The following ZNF407 variants were observed in gnomAD, a reference collection of about 807,000 sequenced individuals.
ZNF407 encodes the protein zinc finger protein 407.
ZNF407 carries 17 observed loss-of-function variants against 131.2 expected under a neutral mutation model. The ratio of observed to expected loss-of-function variants is 0.13; its 90% confidence interval spans 0.09 to 0.19. ZNF407 has a LOEUF of 0.19. Among genes scored for constraint, ZNF407 ranks in the 10% least tolerant of loss-of-function variants. The pLI, the probability that ZNF407 is intolerant of heterozygous loss-of-function variation, is 1.00. For synonymous variants in ZNF407, 1,156 were observed against 1,062.0 expected, an observed-to-expected ratio of 1.09 and a Z score of -1.72; for missense variants, 2,681 against 2,830.6, an observed-to-expected ratio of 0.95 and a Z score of 1.20.
At chr18:74,794,750 T>C (rs1969888624) in intron 4 of ZNF407, among the ~76,000 whole-genome samples, 1 of 152,190 alleles carries the variant, frequency 6.6e-6, no homozygotes, top group Non-Finnish European at 1.5e-5. Context: ...AAATGAACTA[T>C]GATTTCATAG....
At chr18:74,614,491 C>T (rs1983197671) in intron 1 of ZNF407, among the ~76,000 whole-genome samples, 3 of 152,186 alleles carry the variant, frequency 2.0e-5, no homozygotes, top group Admixed American at 2.0e-4. Context: ...TTCCCACACT[C>T]TCCTTTTCTT....
intron 8 of ZNF407, among the ~76,000 whole-genome samples, chr18:74,979,004 T>C (rs1247133065): frequency 6.6e-6 from 1 of 151,968 alleles, no homozygotes; most frequent in Non-Finnish European, 1.5e-5. Context: ...GGGAGAGATG[T>C]GGGAAAGGCT....
Position 74,950,641 on chromosome 18 carries a change from C to T in ZNF407, c.5428+29949C>T, listed in dbSNP as rs184919412. ...TGTTTGCTTTAATCTTCAACAAAATCATTACGATAACATTGCCACTTCTGT... is the reference window on the plus strand; with the variant it reads ...TGTTTGCTTTAATCTTCAACAAAATTATTACGATAACATTGCCACTTCTGT... On this transcript the variant is annotated intron_variant, in intron 8 of 8. Transcript: ENST00000299687. Among the ~76,000 whole-genome samples, 53 of 152,346 alleles carry T rather than the reference C, an allele frequency of 3.5e-4. 2 individuals carry two copies. In the East Asian group the frequency reaches 8.5e-3, roughly 24 times the overall value.
At position 74,616,945 on chromosome 18, in the gene ZNF407, C is replaced by T. The variant is rs1983323385; in HGVS notation, c.-53-14022C>T. Among the ~76,000 whole-genome samples the T allele has an allele frequency of 8.2e-5, 12 of 146,268 alleles. 1 individual carries two copies. The highest frequency in any genetic ancestry group is 1.5e-4 in the Non-Finnish European group (10 of 66,522). ...CGCACCATACACATCCATATCCACA[C>T]ACCACACGCATCCATATCCACGCAC... On this transcript the variant is annotated intron_variant, in intron 1 of 8. Transcript: ENST00000299687.
At chr18:74,913,810 G>C (rs975942408) in intron 7 of ZNF407, among the ~76,000 whole-genome samples, 1 of 152,138 alleles carries the variant, frequency 6.6e-6, no homozygotes, top group South Asian at 2.1e-4. Flanking sequence ...GTGTCCATAG[G>C]TCATAAGTGA....
intron 6 of ZNF407, among the ~76,000 whole-genome samples, chr18:74,889,606 G>A (rs887016583): frequency 6.6e-6 from 1 of 151,924 alleles, no homozygotes. Flanking sequence ...GATGTAACAT[G>A]GTTTATTAAA....
chr18:74,818,739 T>C (rs374002273), intron 4 of ZNF407, among the ~76,000 whole-genome samples: 24 of 152,242 alleles, frequency 1.6e-4, no homozygotes, highest in Non-Finnish European at 3.2e-4. Flanking sequence ...GACTGAGGAA[T>C]AGATTACATT....
At chr18:74,943,141 C>G (rs186629604) in intron 8 of ZNF407, among the ~76,000 whole-genome samples, 1 of 152,248 alleles carries the variant, frequency 6.6e-6, no homozygotes, top group Non-Finnish European at 1.5e-5. Flanking sequence ...TGGTCTCGAT[C>G]TCCTGACCTT....
At chr18:74,932,469 TG>T (rs1971993636) in intron 8 of ZNF407, among the ~76,000 whole-genome samples, 1 of 152,216 alleles carries the variant, frequency 6.6e-6, no homozygotes. Flanking sequence ...CTCAGCTTCG[TG>T]TGTCCATCTT....
chr18:74,896,685 T>C (rs2145203482), intron 7 of ZNF407, among the ~76,000 whole-genome samples: 1 of 152,322 alleles, frequency 6.6e-6, no homozygotes, highest in South Asian at 2.1e-4. Flanking sequence ...TGTGTCATGA[T>C]GACACTTTAT....
At chr18:74,763,594 A>G (rs570320393) in intron 3 of ZNF407, among the ~76,000 whole-genome samples, 3 of 151,530 alleles carry the variant, frequency 2.0e-5, no homozygotes. Flanking sequence ...CATATGAATG[A>G]GTTTCTACTA....
chr18:75,031,251 C>A (rs1973236712), intron 8 of ZNF407, among the ~76,000 whole-genome samples: 1 of 152,180 alleles, frequency 6.6e-6, no homozygotes, highest in Non-Finnish European at 1.5e-5. Context: ...CTTCAGGTAA[C>A]AGGAAAACAG....
chr18:74,808,356 G>T (rs1970144987), intron 4 of ZNF407, among the ~76,000 whole-genome samples: 1 of 152,082 alleles, frequency 6.6e-6, no homozygotes, highest in Non-Finnish European at 1.5e-5. Flanking sequence ...TGCTCATAAA[G>T]CTCTAAGTGT....
At chr18:74,823,914 T>A (rs1186771563) in intron 4 of ZNF407, among the ~76,000 whole-genome samples, 2 of 152,192 alleles carry the variant, frequency 1.3e-5, no homozygotes, top group Non-Finnish European at 2.9e-5. Context: ...TATACATTCT[T>A]CTCAGCACCT....
At chr18:74,653,554 T>C (rs925953818) in intron 3 of ZNF407, among the ~76,000 whole-genome samples, 5 of 151,892 alleles carry the variant, frequency 3.3e-5, no homozygotes, top group African/African-American at 9.7e-5. Flanking sequence ...CTCAGATCTT[T>C]AGTATAGGGA....
At chr18:74,867,473 T>C (rs1238546308) in intron 4 of ZNF407, among the ~76,000 whole-genome samples, 2 of 152,196 alleles carry the variant, frequency 1.3e-5, no homozygotes, top group Admixed American at 6.5e-5. Context: ...AAATATTGAC[T>C]CGAATACATA....
intron 7 of ZNF407, among the ~76,000 whole-genome samples, chr18:74,913,441 T>A (rs1954859389): frequency 6.6e-6 from 1 of 152,166 alleles, no homozygotes; most frequent in Non-Finnish European, 1.5e-5. Flanking sequence ...CCTTCGGTGT[T>A]CGATACGGCG....
rs1281204628 is a variant in ZNF407 at position 74,633,802 on chromosome 18, T to C, written c.2783T>C (p.Leu928Pro). The change falls in exon 2 of 9, where the codon CTT becomes CCT. Residue 928 changes from leucine to proline, a missense_variant. Coordinates refer to ENST00000299687, the MANE Select transcript of ZNF407 (RefSeq NM_017757.3). Reference protein sequence around the residue: ...DIIVGPEGGSLEAGKKNAGSA... With the variant: ...DIIVGPEGGSPEAGKKNAGSA... ...ATTGTTGGCCCTGAAGGGGGTAGCC[T>C]TGAAGCTGGTAAAAAGAATGCTGGC... 1 of 1,613,844 alleles carries C rather than the reference T, an allele frequency of 6.2e-7. No homozygotes were observed. The highest frequency in any genetic ancestry group is 8.5e-7 in the Non-Finnish European group (1 of 1,179,878).
At chr18:74,756,450 A>G (rs1170866040) in intron 3 of ZNF407, among the ~76,000 whole-genome samples, 3 of 152,192 alleles carry the variant, frequency 2.0e-5, no homozygotes, top group Admixed American at 6.5e-5. Flanking sequence ...ATGCATGAAC[A>G]TGGGATTTCT....
Sources: gnomAD v4.1 joint callset for allele counts (sites outside exome capture counted in the v4.1 genomes callset) on GRCh38, gnomAD v4.1.1 for gene constraint, MANE v1.5 for transcripts, NCBI Gene and HGNC (gene_info 2026-07-23, HGNC 2026-07-21) for gene names.